MYO7A: variants seen among roughly 807,000 people sequenced by gnomAD.
The protein encoded by MYO7A is myosin VIIA.
In MYO7A, 210 loss-of-function variants were observed where a neutral mutation model predicts 263.8. The ratio of observed to expected loss-of-function variants is 0.80; its 90% confidence interval spans 0.71 to 0.89. The LOEUF (loss-of-function observed/expected upper bound fraction) is 0.89, where lower values mean the gene tolerates loss of function less well. Among genes scored for constraint, MYO7A ranks in the 40% least tolerant of loss-of-function variants. MYO7A has a pLI of 0.00. For missense variants in MYO7A, 2,820 were observed against 2,968.3 expected (o/e 0.95, Z 1.16); for synonymous variants, 1,239 against 1,197.3 (o/e 1.03, Z -0.72).
chr11:77,192,560 G>A (rs1956171971), intron 31 of MYO7A, among the ~76,000 whole-genome samples: 1 of 152,130 alleles, frequency 6.6e-6, no homozygotes, highest in South Asian at 2.1e-4. Flanking sequence ...CAGAGGACGT[G>A]CCGCAGGACC....
intron 34 of MYO7A, 41 bp from the exon 35 acceptor site, chr11:77,199,494 G>T: frequency 2.1e-6 from 3 of 1,441,764 alleles, no homozygotes; most frequent in Non-Finnish European, 2.7e-6. Flanking sequence ...TCTCCCACTG[G>T]TTGGGGCATG....
intron 15 of MYO7A, among the ~76,000 whole-genome samples, chr11:77,167,112 T>C (rs1555073088): frequency 6.6e-6 from 1 of 152,186 alleles, no homozygotes; most frequent in African/African-American, 2.4e-5. Flanking sequence ...TTTTCTCCTT[T>C]TTTTTGGAGT....
chr11:77,148,042 GCCCT>G, intron 4 of MYO7A, 92 bp downstream of exon 4: 5 of 1,126,560 alleles, frequency 4.4e-6, no homozygotes, highest in Non-Finnish European at 5.8e-6. Flanking sequence ...CTCCGGCCCC[GCCCT>G]GCCGGGGCCC....
At chr11:77,129,840 A>G (rs1357634217) in intron 1 of MYO7A, among the ~76,000 whole-genome samples, 3 of 152,218 alleles carry the variant, frequency 2.0e-5, no homozygotes, top group African/African-American at 4.8e-5. Flanking sequence ...GGAGATGGCA[A>G]GAGCTGGCGT....
intron 23 of MYO7A, 62 bp from the exon 24 acceptor site, chr11:77,181,889 A>G (rs1197119461): frequency 4.7e-6 from 7 of 1,497,326 alleles, no homozygotes; most frequent in Non-Finnish European, 6.4e-6. Flanking sequence ...GGCTCAGGCG[A>G]TCCTCCCACC....
At chr11:77,154,133 G>A (rs1469574910) in intron 4 of MYO7A, among the ~76,000 whole-genome samples, 2 of 152,200 alleles carry the variant, frequency 1.3e-5, no homozygotes, top group Non-Finnish European at 2.9e-5. Flanking sequence ...AAAGGAAGGT[G>A]GCGTTTATGT....
At chr11:77,152,932 T>C (rs751896315) in intron 4 of MYO7A, among the ~76,000 whole-genome samples, 3 of 152,102 alleles carry the variant, frequency 2.0e-5, no homozygotes, top group Non-Finnish European at 4.4e-5. Flanking sequence ...TGCTTTTAAC[T>C]GAAAGTTTCA....
At chr11:77,169,060 C>T (rs1475921712) in intron 15 of MYO7A, among the ~76,000 whole-genome samples, 3 of 152,360 alleles carry the variant, frequency 2.0e-5, no homozygotes, top group East Asian at 1.9e-4. Context: ...GCTAGAAACA[C>T]GATGGCTTTT....
Position 77,160,982 on chromosome 11 carries a change from G to C in MYO7A, c.1210G>C (p.Gly404Arg). Residue 404 changes from glycine (G) to arginine (R), a missense_variant, in exon 12 of 49, where the codon GGG becomes CGG. Gly to Arg is a moderately radical substitution (Grantham distance 125). Coordinates refer to ENST00000409709, the MANE Select transcript of MYO7A (RefSeq NM_000260.4). ...GATCACTGCCTTTCAGGGGATCTACGGGCGGCTGTTCGTGTGGATTGTGGA... is the reference window on the plus strand; with the variant it reads ...GATCACTGCCTTTCAGGGGATCTACCGGCGGCTGTTCGTGTGGATTGTGGA... Reference protein sequence around the residue: ...VRDAFVKGIYGRLFVWIVDKI... With the variant: ...VRDAFVKGIYRRLFVWIVDKI... 2 of 1,603,798 alleles carry C rather than the reference G, an allele frequency of 1.2e-6. No homozygotes were observed. The highest frequency in any genetic ancestry group is 1.7e-5 in the Admixed American group (1 of 58,244).
At chr11:77,181,675 C>T (rs1170402619) in intron 23 of MYO7A, 86 bp downstream of exon 23, 5 of 1,276,972 alleles carry the variant, frequency 3.9e-6, no homozygotes, top group Non-Finnish European at 5.4e-6. Context: ...GGCCTTAAAG[C>T]CCACCCAGTC....
chr11:77,202,838 G>A (rs1021539167), intron 37 of MYO7A, among the ~76,000 whole-genome samples: 16 of 152,158 alleles, frequency 1.1e-4, no homozygotes, highest in African/African-American at 3.6e-4. Context: ...GGCACAGCCC[G>A]TGGTGTTCTC....
At chr11:77,184,297 G>A (rs1286023634) in intron 26 of MYO7A, among the ~76,000 whole-genome samples, 1 of 152,150 alleles carries the variant, frequency 6.6e-6, no homozygotes, top group Non-Finnish European at 1.5e-5. Flanking sequence ...TGGCTGAGAG[G>A]ACCTCCCTGG....
chr11:77,206,699 C>T (rs1368265546), intron 41 of MYO7A, among the ~76,000 whole-genome samples: 1 of 152,228 alleles, frequency 6.6e-6, no homozygotes, highest in Non-Finnish European at 1.5e-5. Flanking sequence ...CACGCTGCCC[C>T]TCATGGTCCC....
chr11:77,178,889 T>C (rs1555081947), intron 19 of MYO7A, among the ~76,000 whole-genome samples, 156 bp from the exon 20 acceptor site: 1 of 152,196 alleles, frequency 6.6e-6, no homozygotes, highest in African/African-American at 2.4e-5. Flanking sequence ...ATTGTACGGA[T>C]GAGGAAGCTG....
At chr11:77,135,468 CT>C (rs1950880325) in intron 2 of MYO7A, among the ~76,000 whole-genome samples, 1 of 152,170 alleles carries the variant, frequency 6.6e-6, no homozygotes, top group South Asian at 2.1e-4. Context: ...ATTCATTCAT[CT>C]ATTGAGGAAC....
chr11:77,142,517 G>A, intron 2 of MYO7A, 192 bp from the exon 3 acceptor site: 3 of 664,698 alleles, frequency 4.5e-6, no homozygotes, highest in Non-Finnish European at 8.3e-6. Context: ...GGGGATTGAT[G>A]AGATTGCATA....
chr11:77,195,532 C>T (rs184095678), intron 32 of MYO7A, among the ~76,000 whole-genome samples: 22 of 152,352 alleles, frequency 1.4e-4, no homozygotes, highest in African/African-American at 5.1e-4. Flanking sequence ...TATGGTACGT[C>T]CTGGGTGGGG....
intron 19 of MYO7A, among the ~76,000 whole-genome samples, chr11:77,178,185 C>G (rs1246414764): frequency 9.6e-6 from 1 of 104,682 alleles, no homozygotes; most frequent in Admixed American, 1.0e-4. Context: ...GTTCACCCAC[C>G]CACCTACCCA....
intron 36 of MYO7A, among the ~76,000 whole-genome samples, chr11:77,201,928 A>AG (rs1447948640): frequency 6.6e-6 from 1 of 151,964 alleles, no homozygotes; most frequent in Admixed American, 6.6e-5. Flanking sequence ...ACAGCTGGGA[A>AG]GGGGGCCCTG....
Sources: allele counts gnomAD v4.1 joint callset (sites outside exome capture counted in the v4.1 genomes callset), GRCh38; gene constraint gnomAD v4.1.1; transcripts MANE v1.5; gene names NCBI Gene and HGNC (gene_info 2026-07-23, HGNC 2026-07-21).